EYA1: variants seen among roughly 807,000 people sequenced by gnomAD.
The protein encoded by EYA1 is protein phosphatase EYA1.
EYA1 carries 16 observed loss-of-function variants against 82.0 expected under a neutral mutation model. The ratio of observed to expected loss-of-function variants is 0.20; its 90% CI spans 0.13 to 0.30. The LOEUF (loss-of-function observed/expected upper bound fraction) is 0.30, where lower values mean the gene tolerates loss of function less well. Among genes scored for constraint, EYA1 ranks in the 10% least tolerant of loss-of-function variants. The pLI is 1.00. For synonymous variants in EYA1, 261 were observed against 264.4 expected (o/e 0.99, Z 0.12); for missense variants, 633 against 730.7 (o/e 0.87, Z 1.54).
intron 2 of EYA1, among the ~76,000 whole-genome samples, chr8:71,384,014 C>G (rs529767105): frequency 3.4e-4 from 51 of 151,446 alleles, no homozygotes; most frequent in African/African-American, 1.2e-3. Flanking sequence ...TTGTTACTAT[C>G]TTTACTTTTT....
intron 11 of EYA1, among the ~76,000 whole-genome samples, chr8:71,253,448 C>A (rs1266857190): frequency 6.6e-6 from 1 of 152,176 alleles, no homozygotes; most frequent in Non-Finnish European, 1.5e-5. Flanking sequence ...GTGGTCTATT[C>A]TTTGGCTCTC....
chr8:71,489,284 T>C (rs913817878), intron 2 of EYA1, among the ~76,000 whole-genome samples: 5 of 152,168 alleles, frequency 3.3e-5, no homozygotes, highest in African/African-American at 1.2e-4. Flanking sequence ...CTTTTATCCC[T>C]GGGTTCATTT....
intron 12 of EYA1, 49 bp from the exon 13 acceptor site, chr8:71,217,072 T>C (rs1459616397): frequency 6.9e-7 from 1 of 1,441,654 alleles, no homozygotes. Context: ...GAGTACCTAA[T>C]TTTTTTGTTT....
intron 2 of EYA1, among the ~76,000 whole-genome samples, chr8:71,518,717 A>C (rs1813169214): frequency 6.6e-6 from 1 of 152,170 alleles, no homozygotes; most frequent in Non-Finnish European, 1.5e-5. Flanking sequence ...AAAGAAATAA[A>C]ATTATAATTT....
At chr8:71,486,164 C>A (rs1309574381) in intron 2 of EYA1, among the ~76,000 whole-genome samples, 1 of 152,144 alleles carries the variant, frequency 6.6e-6, no homozygotes, top group African/African-American at 2.4e-5. Context: ...ATTGAGACAA[C>A]CTGCCTGACT....
At position 71,198,021 on chromosome 8, in the gene EYA1, G is replaced by A. The variant is rs1806458730; in HGVS notation, c.*1319C>T. Reference sequence around the variant, plus strand: ...CCTTCCTCAGGGTGACAGGAAGAAAGAGAAAATACGCACATAGGGAGTAAT... The same window carrying A: ...CCTTCCTCAGGGTGACAGGAAGAAAAAGAAAATACGCACATAGGGAGTAAT... On this transcript the variant is annotated 3_prime_UTR_variant, in exon 18 of 18. Coordinates refer to ENST00000340726, the MANE Select transcript of EYA1 (RefSeq NM_000503.6). 1.3e-5 allele frequency: 2 copies of A among 152,172 alleles called. No individual in the cohort carries two copies. The highest frequency in any genetic ancestry group is 2.9e-5 in the Non-Finnish European group (2 of 68,032). The allele number at this position is 152,172 out of a possible 1,614,324, so 9.4% of individuals were successfully genotyped here. A position where few individuals can be genotyped will look rare whatever the true frequency, so the allele number is the denominator to read the frequency against.
At chr8:71,515,182 A>G (rs751417071) in intron 2 of EYA1, among the ~76,000 whole-genome samples, 2 of 152,154 alleles carry the variant, frequency 1.3e-5, no homozygotes, top group African/African-American at 2.4e-5. Flanking sequence ...GCACTGTCTC[A>G]TGTATTTCTT....
At chr8:71,413,742 G>A (rs1042387608) in intron 2 of EYA1, among the ~76,000 whole-genome samples, 9 of 152,204 alleles carry the variant, frequency 5.9e-5, no homozygotes, top group African/African-American at 2.2e-4. Flanking sequence ...CAGCAGTGCT[G>A]TAATTGTGGT....
intron 2 of EYA1, among the ~76,000 whole-genome samples, chr8:71,531,566 T>TA (rs989672089): frequency 6.6e-6 from 1 of 152,172 alleles, no homozygotes; most frequent in Non-Finnish European, 1.5e-5. Flanking sequence ...CTTTTTTTTT[T>TA]ATCTTGACAT....
intron 9 of EYA1, among the ~76,000 whole-genome samples, chr8:71,277,121 T>TGC (rs1472998624): frequency 0.017 from 1,173 of 69,822 alleles, 57 homozygotes; most frequent in African/African-American, 0.064. Context: ...ACACATTTTT[T>TGC]TTTTTTTTTT....
intron 9 of EYA1, among the ~76,000 whole-genome samples, chr8:71,275,273 A>T (rs1817032580): frequency 6.6e-6 from 1 of 152,236 alleles, no homozygotes; most frequent in Admixed American, 6.5e-5. Flanking sequence ...TGCAGTAAAA[A>T]ATCATGCCCA....
chr8:71,309,366 A>C lies in EYA1; in HGVS notation c.556+8186T>G, dbSNP rs1011783088. Among the ~76,000 whole-genome samples, 93 of 42,028 alleles carry C rather than the reference A, an allele frequency of 2.2e-3. 1 individual carries two copies. The highest frequency in any genetic ancestry group is 0.011 in the African/African-American group (90 of 8,324). 27.6% of individuals were successfully genotyped at this position (42,028 alleles called of 152,430 possible). On this transcript the variant is annotated intron_variant, in intron 7 of 17. Transcript: ENST00000340726. ...TACTTATACAATCAATTTAAGCAAA[A>C]AAAAAAAAAATCTAGAACATAAAAT... is the stretch of plus-strand genomic sequence containing the variant.
intron 2 of EYA1, among the ~76,000 whole-genome samples, chr8:71,422,944 C>T (rs959945578): frequency 1.3e-5 from 2 of 152,078 alleles, no homozygotes; most frequent in African/African-American, 4.8e-5. Context: ...AGGAACAATG[C>T]TACAGGGCAA....
chr8:71,261,278 C>A (rs1586054556), intron 11 of EYA1, among the ~76,000 whole-genome samples: 1 of 152,228 alleles, frequency 6.6e-6, no homozygotes, highest in Non-Finnish European at 1.5e-5. Flanking sequence ...CTAAAGGGAG[C>A]AATATCATCA....
intron 1 of EYA1, among the ~76,000 whole-genome samples, chr8:71,546,922 C>T (rs1815658568): frequency 6.6e-6 from 1 of 152,164 alleles, no homozygotes; most frequent in African/African-American, 2.4e-5. Context: ...TAGCATTAGT[C>T]GGTCTTGCTA....
At chr8:71,434,750 T>C (rs1264600845) in intron 2 of EYA1, among the ~76,000 whole-genome samples, 5 of 152,284 alleles carry the variant, frequency 3.3e-5, no homozygotes, top group South Asian at 2.1e-4. Flanking sequence ...AAGGTTTTTA[T>C]TGAATCTGAA....
chr8:71,477,099 G>A lies in EYA1; in HGVS notation c.33+58645C>T, dbSNP rs527672912. On this transcript the variant is annotated intron_variant, in intron 2 of 18. Transcript: ENST00000643681. ...CTAAAAATGAATCAAAGACTTAAAT[G>A]CAAGAGTAGAACTGTAAAACATACA... Among the ~76,000 whole-genome samples, 4 of 152,166 alleles carry A rather than the reference G, an allele frequency of 2.6e-5. No individual in the cohort carries two copies. The South Asian group carries it at 8.3e-4, about 32-fold the overall frequency.
intron 11 of EYA1, among the ~76,000 whole-genome samples, chr8:71,255,195 T>C (rs2128922905): frequency 6.6e-6 from 1 of 152,336 alleles, no homozygotes; most frequent in African/African-American, 2.4e-5. Flanking sequence ...ACAGATCTAA[T>C]GCAATCCCTA....
intron 2 of EYA1, among the ~76,000 whole-genome samples, chr8:71,520,216 C>A (rs180834602): frequency 6.6e-6 from 1 of 150,770 alleles, no homozygotes; most frequent in Non-Finnish European, 1.5e-5. Flanking sequence ...CTCATTGGCC[C>A]CCCCCTCCAC....
Sources: gnomAD v4.1 joint callset for allele counts (sites outside exome capture counted in the v4.1 genomes callset) on GRCh38, gnomAD v4.1.1 for gene constraint, MANE v1.5 for transcripts, NCBI Gene and HGNC (gene_info 2026-07-23, HGNC 2026-07-21) for gene names.